The following HNRNPUL1 variants were observed in gnomAD, a reference collection of about 807,000 sequenced individuals.
The protein encoded by HNRNPUL1 is heterogeneous nuclear ribonucleoprotein U-like protein 1.
HNRNPUL1 carries 14 observed loss-of-function variants against 108.5 expected under a neutral mutation model. That is an observed-to-expected ratio of 0.13 (90% CI 0.09 to 0.20). The LOEUF (loss-of-function observed/expected upper bound fraction) is 0.20, where lower values mean the gene tolerates loss of function less well. Among genes scored for constraint, HNRNPUL1 ranks in the 10% least tolerant of loss-of-function variants. The probability of loss-of-function intolerance (pLI) is 1.00; values close to 1 mark genes in which losing one functional copy is unlikely to be tolerated. For synonymous variants in HNRNPUL1, 422 were observed against 445.2 expected, an observed-to-expected ratio of 0.95 and a Z score of 0.66; for missense variants, 804 against 1,168.3, an observed-to-expected ratio of 0.69 and a Z score of 4.55.
intron 12 of HNRNPUL1, among the ~76,000 whole-genome samples, chr19:41,303,289 A>G (rs1022346291): frequency 1.3e-5 from 2 of 151,844 alleles, no homozygotes; most frequent in Non-Finnish European, 2.9e-5. Flanking sequence ...ATCTTTGGCC[A>G]GGTCTGAAGA....
In HNRNPUL1 at chr19:41,274,497, T is replaced by C. The variant is rs2035430284; in HGVS notation, c.646+442T>C. Among the ~76,000 whole-genome samples, 3 of 152,316 alleles carry C rather than the reference T, an allele frequency of 2.0e-5. No homozygotes were observed. In the South Asian group the frequency reaches 6.2e-4, roughly 32 times the overall value. On this transcript the variant is annotated intron_variant, in intron 4 of 14. Transcript: ENST00000392006. ...CTGCTCAAGTTCCTGGTGAAACCAA[T>C]GCCACTGTGTCCTGTGAGGCACTAA...
chr19:41,275,522 T>C (rs1055358543), intron 4 of HNRNPUL1, among the ~76,000 whole-genome samples: 7 of 152,004 alleles, frequency 4.6e-5, no homozygotes, highest in African/African-American at 1.4e-4. Flanking sequence ...GCTGAGGATA[T>C]GGACCCTATC....
At chr19:41,277,701 T>C (rs1046102277) in intron 5 of HNRNPUL1, among the ~76,000 whole-genome samples, 1 of 152,134 alleles carries the variant, frequency 6.6e-6, no homozygotes, top group African/African-American at 2.4e-5. Flanking sequence ...GAGATGGGGT[T>C]TCTCCATGTT....
chr19:41,277,117 CAAAAACAAA>C (rs1039846069), intron 5 of HNRNPUL1, among the ~76,000 whole-genome samples: 14 of 147,444 alleles, frequency 9.5e-5, no homozygotes, highest in Middle Eastern at 6.8e-3. Flanking sequence ...AACAAAAAAA[CAAAAACAAA>C]AAAAACAAAA....
chr19:41,306,763 A>G lies in HNRNPUL1; in HGVS notation c.*198A>G, dbSNP rs2037572689. 2 of 403,514 alleles carry G rather than the reference A, an allele frequency of 5.0e-6. No individual in the cohort carries two copies. The highest frequency in any genetic ancestry group is 4.1e-5 in the African/African-American group (2 of 48,534). The allele number at this position is 403,514 out of a possible 1,614,324, so 25.0% of individuals were successfully genotyped here. On this transcript the variant is annotated 3_prime_UTR_variant, in exon 15 of 15. Coordinates refer to ENST00000392006, the MANE Select transcript of HNRNPUL1 (RefSeq NM_007040.6). ...GGCCAGGCATTTTTTTCTGGATTCA[A>G]ACAGGCAACAATGACCTTTTATTTT... is the stretch of plus-strand genomic sequence containing the variant.
chr19:41,305,895 A>T (rs2037516934), intron 14 of HNRNPUL1, 28 bp downstream of exon 14: 4 of 1,450,830 alleles, frequency 2.8e-6, no homozygotes, highest in Non-Finnish European at 3.8e-6. Context: ...GGCCAACTGG[A>T]TGGAGAGACT....
rs1419758322 is a variant in HNRNPUL1 at position 41,294,238 on chromosome 19, A to C, written c.1267-100A>C. On this transcript the variant is annotated intron_variant, in intron 8 of 14. Transcript: ENST00000392006. This position sits in a 1 kb window ranked among gnomAD's most constrained non-coding sequence, Gnocchi z 4.3. ...ATTACTGCTTCCGCTTTGTAGAGGC[A>C]GCCACAGCTCAGAGGTCCAGAGTCA... 3 of 1,370,788 alleles carry C rather than the reference A, an allele frequency of 2.2e-6. No homozygotes were observed. Among genetic ancestry groups the C allele is most frequent in the Non-Finnish European group, 3.1e-6 (3 of 980,796 alleles). The allele number at this position is 1,370,788 out of a possible 1,614,324, so 84.9% of individuals were successfully genotyped here.
intron 1 of HNRNPUL1, among the ~76,000 whole-genome samples, chr19:41,266,111 T>C (rs2122378165): frequency 2.0e-5 from 3 of 152,084 alleles, no homozygotes; most frequent in Middle Eastern, 6.8e-3. Context: ...AAACCTGATA[T>C]GGGACGGCGT....
intron 3 of HNRNPUL1, among the ~76,000 whole-genome samples, chr19:41,272,982 C>A (rs2035333064): frequency 6.6e-6 from 1 of 152,216 alleles, no homozygotes; most frequent in Non-Finnish European, 1.5e-5. Flanking sequence ...TATTTCCTAT[C>A]TGGCGGAGTC....
rs1014773856 is a variant in HNRNPUL1 at position 41,294,049 on chromosome 19, G to T, written c.1267-289G>T. Among the ~76,000 whole-genome samples, 6 of 152,054 alleles carry T rather than the reference G, an allele frequency of 3.9e-5. No homozygotes were observed. The highest frequency in any genetic ancestry group is 1.9e-4 in the East Asian group (1 of 5,188). On this transcript the variant is annotated intron_variant, in intron 8 of 14. Coordinates refer to ENST00000392006, the MANE Select transcript of HNRNPUL1 (RefSeq NM_007040.6). This position sits in a 1 kb window ranked among gnomAD's most constrained non-coding sequence, Gnocchi z 4.3. Reference sequence around the variant, plus strand: ...TAAATGCTAATGATGACAGCACTTGGTTTTTTGTTTTTGTTTTCCCCCGAA... The same window carrying T: ...TAAATGCTAATGATGACAGCACTTGTTTTTTTGTTTTTGTTTTCCCCCGAA...
intron 6 of HNRNPUL1, chr19:41,280,908 T>G (rs2035861728): frequency 1.3e-5 from 5 of 384,198 alleles, no homozygotes; most frequent in Middle Eastern, 7.6e-4. Context: ...TCTTTTCAAA[T>G]TCTCCCCTCT....
At chr19:41,287,884 T>C (rs2036334587) in intron 7 of HNRNPUL1, among the ~76,000 whole-genome samples, 1 of 152,142 alleles carries the variant, frequency 6.6e-6, no homozygotes, top group Non-Finnish European at 1.5e-5. Flanking sequence ...AATAAAACAT[T>C]TTTAAAATGA....
At chr19:41,265,324 C>A in intron 1 of HNRNPUL1, 1 of 1,158,722 alleles carries the variant, frequency 8.6e-7, no homozygotes, top group South Asian at 1.3e-5. Flanking sequence ...GGATGCGATC[C>A]TGGGCGTTCT....
Position 41,268,331 on chromosome 19 carries a change from A to C in HNRNPUL1, c.404A>C (p.Gln135Pro), listed in dbSNP as rs538705335. 1.2e-6 allele frequency: 2 copies of C among 1,613,762 alleles called. No homozygotes were observed. Among genetic ancestry groups the C allele is most frequent in the Admixed American group, 3.3e-5 (2 of 59,962 alleles). The change falls in exon 2 of 15, where the codon CAG becomes CCG. Residue 135 changes from glutamine to proline, a missense_variant. Physicochemically the swap from Gln to Pro is moderately conservative, Grantham distance 76. Coordinates refer to ENST00000392006, the MANE Select transcript of HNRNPUL1 (RefSeq NM_007040.6). ...AGACCACTGGAAATGGAGCAGCAGC[A>C]GGCCTATCGTCCAGGTAGGAAAATA... ...ERRPLEMEQQQAYRPEMKTEM... is the reference protein window; with the variant it reads ...ERRPLEMEQQPAYRPEMKTEM...
rs573559553 is a variant in HNRNPUL1, at chr19:41,284,888, C to G, written c.999+3613C>G. Among the ~76,000 whole-genome samples, 190 of 150,512 alleles carry G rather than the reference C, an allele frequency of 1.3e-3. No homozygotes were observed. In the Middle Eastern group the frequency reaches 0.014, roughly 11 times the overall value. On this transcript the variant is annotated intron_variant, in intron 7 of 14. Coordinates refer to ENST00000392006, the MANE Select transcript of HNRNPUL1 (RefSeq NM_007040.6). ...GCCAGCGCCTGTAGTCCCAGCTACT[C>G]GGGAGGCTGAGGCAGGAGAATGGCG...
chr19:41,287,159 G>A (rs1314087281), intron 7 of HNRNPUL1, among the ~76,000 whole-genome samples: 1 of 151,590 alleles, frequency 6.6e-6, no homozygotes, highest in Non-Finnish European at 1.5e-5. Context: ...GGGATCACAG[G>A]TGCACACCAC....
In HNRNPUL1 at chr19:41,302,649, A is replaced by G. The variant is rs2037297643; in HGVS notation, c.1688-16A>G. 1 of 1,613,910 alleles carries G rather than the reference A, an allele frequency of 6.2e-7. No homozygotes were observed. Among genetic ancestry groups the G allele is most frequent in the East Asian group, 2.2e-5 (1 of 44,890 alleles). On this transcript the variant is annotated splice_polypyrimidine_tract_variant and intron_variant, in intron 11 of 14. Transcript: ENST00000392006. ...CTCTTCTTCTTGTTCTCTTTGGGGC[A>G]CTTCCTTCCTCCTAGCCAACTTCAC...
At chr19:41,277,599 C>T (rs1005642573) in intron 5 of HNRNPUL1, among the ~76,000 whole-genome samples, 12 of 152,118 alleles carry the variant, frequency 7.9e-5, no homozygotes, top group Non-Finnish European at 1.2e-4. Context: ...CTCTGCCTCC[C>T]GGGTTCAAGC....
chr19:41,281,167 A>C lies in HNRNPUL1; in HGVS notation c.891A>C (p.Glu297Asp). The C allele has an allele frequency of 6.2e-7, 1 of 1,612,972 alleles. No homozygotes were observed. The change falls in exon 7 of 15, where the codon GAA becomes GAC. Residue 297 changes from glutamate to aspartate, a missense_variant. This residue lies in a region of HNRNPUL1 where 174 missense variants were observed against 296.6 expected (regional missense o/e 0.59). Transcript: ENST00000392006. ...TTTGCCTATTTCTTCCGTCAGGCGA[A>C]GAGCCTTTCTCCTATGGCTATGGAG... is the stretch of plus-strand genomic sequence containing the variant. ...SLDSCSTQLGEEPFSYGYGGT... is the reference protein window; with the variant it reads ...SLDSCSTQLGDEPFSYGYGGT...
Sources: gnomAD v4.1 joint callset for allele counts (sites outside exome capture counted in the v4.1 genomes callset) on GRCh38, gnomAD v4.1.1 for gene constraint, gnomAD v4.1.1 regional missense constraint, Gnocchi (gnomAD v3.1) non-coding constraint, MANE v1.5 for transcripts, NCBI Gene and HGNC (gene_info 2026-07-23, HGNC 2026-07-21) for gene names.